GRM8: variants seen among roughly 807,000 people sequenced by gnomAD.
The protein encoded by GRM8 is glutamate metabotropic receptor 8.
GRM8 carries 47 observed loss-of-function variants against 87.2 expected under a neutral mutation model. That is an observed-to-expected ratio of 0.54 (90% CI 0.43 to 0.69). The LOEUF is 0.69. Ranked by LOEUF, GRM8 falls within the 30% of genes least tolerant of loss-of-function variation. The pLI, the probability that GRM8 is intolerant of heterozygous loss-of-function variation, is 0.00. For synonymous variants in GRM8, 396 were observed against 404.5 expected, an observed-to-expected ratio of 0.98 and a Z score of 0.25; for missense variants, 1,019 against 1,139.2, an observed-to-expected ratio of 0.89 and a Z score of 1.52.
intron 7 of GRM8, among the ~76,000 whole-genome samples, chr7:126,630,537 G>A (rs2151170492): frequency 6.6e-6 from 1 of 152,164 alleles, no homozygotes; most frequent in South Asian, 2.1e-4. Context: ...GTTAAATGAG[G>A]CCAGCATCTT....
intron 6 of GRM8, chr7:126,869,330 C>T (rs1171352449): frequency 6.6e-6 from 1 of 152,176 alleles, no homozygotes; most frequent in African/African-American, 2.4e-5. Flanking sequence ...TCTTTTAAGA[C>T]TATTTTGCCC....
intron 3 of GRM8, among the ~76,000 whole-genome samples, chr7:127,004,418 C>T (rs1178069593): frequency 6.6e-6 from 1 of 151,310 alleles, no homozygotes; most frequent in African/African-American, 2.4e-5. Context: ...ATAAAAGACA[C>T]AGAAACAAAA....
At position 126,773,631 on chromosome 7, in the gene GRM8, T is replaced by C. The variant is rs780484311; in HGVS notation, c.1157-3566A>G. On this transcript the variant is annotated intron_variant, in intron 6 of 10. Transcript: ENST00000339582. ...CAATTTATAAAGATACTCCTCAGCA[T>C]TCAATAATTTCCTGATAAATTATAA... Among the ~76,000 whole-genome samples the C allele has an allele frequency of 4.6e-5, 7 of 152,154 alleles. 1 individual carries two copies. Among genetic ancestry groups the C allele is most frequent in the Non-Finnish European group, 8.8e-5 (6 of 68,024 alleles).
At chr7:126,909,717 C>T (rs1268490409) in intron 3 of GRM8, among the ~76,000 whole-genome samples, 2 of 152,072 alleles carry the variant, frequency 1.3e-5, no homozygotes, top group African/African-American at 4.8e-5. Context: ...CTTTACAATA[C>T]ACATGATCAC....
At chr7:126,883,651 G>A (rs561735548) in intron 6 of GRM8, among the ~76,000 whole-genome samples, 1 of 152,154 alleles carries the variant, frequency 6.6e-6, no homozygotes, top group Admixed American at 6.6e-5. Flanking sequence ...ATTTCAGATG[G>A]ATTGGAAGCA....
chr7:126,840,369 C>T (rs904734722), intron 6 of GRM8, among the ~76,000 whole-genome samples: 2 of 152,002 alleles, frequency 1.3e-5, no homozygotes, highest in African/African-American at 4.8e-5. Context: ...ACTATTTATC[C>T]TTCCTTTTGT....
chr7:126,963,653 A>G (rs999776936), intron 3 of GRM8, among the ~76,000 whole-genome samples: 2 of 152,212 alleles, frequency 1.3e-5, no homozygotes, highest in African/African-American at 4.8e-5. Context: ...CCAATGCTCA[A>G]GGAAATAAGA....
At chr7:126,647,733 C>G (rs1392964721) in intron 7 of GRM8, among the ~76,000 whole-genome samples, 1 of 152,228 alleles carries the variant, frequency 6.6e-6, no homozygotes, top group East Asian at 1.9e-4. Context: ...AAATACACTT[C>G]AAATTTGTCC....
intron 3 of GRM8, among the ~76,000 whole-genome samples, chr7:126,926,383 C>T (rs1805122577): frequency 6.6e-6 from 1 of 152,032 alleles, no homozygotes; most frequent in Admixed American, 6.6e-5. Flanking sequence ...GTCACTAAGT[C>T]CTACTGTTTC....
chr7:127,223,261 C>G (rs779368231), intron 2 of GRM8, among the ~76,000 whole-genome samples: 14 of 151,952 alleles, frequency 9.2e-5, no homozygotes, highest in Admixed American at 2.0e-4. Context: ...CTCATCTATA[C>G]CTGAAAAGCC....
intron 3 of GRM8, among the ~76,000 whole-genome samples, chr7:127,031,425 T>C (rs534405935): frequency 4.7e-4 from 72 of 152,212 alleles, no homozygotes; most frequent in South Asian, 2.9e-3. Context: ...CCAAGAGCCC[T>C]GAAATGTTCT....
intron 7 of GRM8, among the ~76,000 whole-genome samples, chr7:126,615,982 C>A (rs1266638339): frequency 6.6e-6 from 1 of 152,142 alleles, no homozygotes; most frequent in Non-Finnish European, 1.5e-5. Context: ...AGAAAGTTAA[C>A]AAGGATATCC....
chr7:127,114,051 G>T (rs1220780633), intron 2 of GRM8, among the ~76,000 whole-genome samples: 1 of 152,142 alleles, frequency 6.6e-6, no homozygotes, highest in Non-Finnish European at 1.5e-5. Flanking sequence ...GAAGATGGAT[G>T]ACTACCCCAA....
At chr7:126,557,703 AT>A (rs1793296618) in intron 8 of GRM8, among the ~76,000 whole-genome samples, 1 of 152,176 alleles carries the variant, frequency 6.6e-6, no homozygotes, top group Non-Finnish European at 1.5e-5. Flanking sequence ...GTCATATCTT[AT>A]TCATCTTTGC....
intron 8 of GRM8, among the ~76,000 whole-genome samples, chr7:126,595,364 A>G (rs938414382): frequency 1.4e-5 from 2 of 147,600 alleles, no homozygotes; most frequent in African/African-American, 5.1e-5. Context: ...CACCCCAGCT[A>G]ATTCTGGTAT....
intron 2 of GRM8, among the ~76,000 whole-genome samples, chr7:127,121,660 T>C (rs1485637270): frequency 6.6e-6 from 1 of 152,082 alleles, no homozygotes; most frequent in Non-Finnish European, 1.5e-5. Flanking sequence ...CTTATAATCA[T>C]AGCAGAAGGC....
At chr7:127,137,220 T>TACAC (rs145265792) in intron 2 of GRM8, among the ~76,000 whole-genome samples, 3 of 149,884 alleles carry the variant, frequency 2.0e-5, no homozygotes, top group African/African-American at 4.9e-5. Context: ...AACATACACA[T>TACAC]ACACACACAC....
chr7:127,125,314 T>C (rs956984692), intron 2 of GRM8, among the ~76,000 whole-genome samples: 1 of 152,186 alleles, frequency 6.6e-6, no homozygotes. Context: ...GTGAAGAGTT[T>C]AGAAATGGCT....
At chr7:126,784,934 T>C (rs536322004) in intron 6 of GRM8, among the ~76,000 whole-genome samples, 1 of 152,198 alleles carries the variant, frequency 6.6e-6, no homozygotes, top group South Asian at 2.1e-4. Flanking sequence ...ATAAACGTGT[T>C]ACCAGATCCT....
Sources: allele counts gnomAD v4.1 joint callset (sites outside exome capture counted in the v4.1 genomes callset), GRCh38; gene constraint gnomAD v4.1.1; transcripts MANE v1.5; gene names NCBI Gene and HGNC (gene_info 2026-07-23, HGNC 2026-07-21).